Variants in MED13 observed in about 807,000 individuals in gnomAD.
MED13 encodes the protein mediator of RNA polymerase II transcription subunit 13.
Under a neutral mutation model 225.2 loss-of-function variants are expected in MED13, and 23 were observed. The observed-to-expected ratio is 0.10, with a 90% confidence interval of 0.07 to 0.14. The LOEUF is 0.14. Among genes scored for constraint, MED13 ranks in the 10% least tolerant of loss-of-function variants. MED13 has a pLI of 1.00. For missense variants in MED13, 2,197 were observed against 2,594.5 expected, an observed-to-expected ratio of 0.85 and a Z score of 3.33; for synonymous variants, 942 against 889.2, an observed-to-expected ratio of 1.06 and a Z score of -1.06.
intron 8 of MED13, 127 bp from the exon 9 acceptor site, chr17:62,011,360 A>G: frequency 1.2e-6 from 1 of 830,518 alleles, no homozygotes; most frequent in Non-Finnish European, 1.7e-6. Context: ...AAGTAAAATA[A>G]TTTGAATTTG....
chr17:61,986,872 A>T (rs2080252270), intron 12 of MED13, 135 bp downstream of exon 12: 1 of 460,930 alleles, frequency 2.2e-6, no homozygotes. Context: ...GAAATCAATG[A>T]ATGAGGTTTT....
intron 9 of MED13, among the ~76,000 whole-genome samples, chr17:62,000,516 A>G (rs1229895787): frequency 6.6e-6 from 1 of 152,170 alleles, no homozygotes; most frequent in Admixed American, 6.5e-5. Context: ...CTAAGTATCA[A>G]TCTCTCTCCT....
chr17:61,948,290 T>A (rs2079867314), intron 28 of MED13, among the ~76,000 whole-genome samples: 1 of 152,326 alleles, frequency 6.6e-6, no homozygotes, highest in African/African-American at 2.4e-5. Context: ...CCTAATCTTG[T>A]TACAATGTAT....
chr17:62,047,079 G>T (rs1253911771), intron 3 of MED13, among the ~76,000 whole-genome samples: 1 of 150,522 alleles, frequency 6.6e-6, no homozygotes, highest in Non-Finnish European at 1.5e-5. Flanking sequence ...CATAAAAAAA[G>T]AATGAGTTCG....
intron 8 of MED13, among the ~76,000 whole-genome samples, chr17:62,028,752 G>A (rs1279897499): frequency 6.6e-6 from 1 of 151,998 alleles, no homozygotes; most frequent in Non-Finnish European, 1.5e-5. Flanking sequence ...GGCTGAGGCA[G>A]GAGAATGGCG....
At position 61,945,012 on chromosome 17, in the gene MED13, T is replaced by C. The variant is rs948964623; in HGVS notation, c.*1456A>G. The stretch of plus-strand genomic sequence containing the variant: ...AATTCAAGTCCCTTCTTTAGGGAGG[T>C]GAGAACCTCCTTGGCATATGCCCTA... On this transcript the variant is annotated 3_prime_UTR_variant, in exon 30 of 30. Transcript: ENST00000397786. 1.3e-5 allele frequency: 2 copies of C among 152,572 alleles called. No individual in the cohort carries two copies. Among genetic ancestry groups the C allele is most frequent in the African/African-American group, 2.4e-5 (1 of 41,436 alleles). The allele number at this position is 152,572 out of a possible 1,614,324, so 9.5% of individuals were successfully genotyped here. A position where few individuals can be genotyped will look rare whatever the true frequency, so the allele number is the denominator to read the frequency against.
At chr17:62,056,848 A>G (rs760172292) in intron 2 of MED13, among the ~76,000 whole-genome samples, 8 of 152,234 alleles carry the variant, frequency 5.3e-5, no homozygotes, top group Non-Finnish European at 1.0e-4. Context: ...CTTTTCTGTT[A>G]CTATTAGCAT....
At chr17:61,994,514 A>G (rs2080330966) in intron 10 of MED13, among the ~76,000 whole-genome samples, 1 of 152,190 alleles carries the variant, frequency 6.6e-6, no homozygotes, top group African/African-American at 2.4e-5. Flanking sequence ...GTATCTTTGA[A>G]AACTGGTAAT....
chr17:61,952,330 G>A lies in MED13; in HGVS notation c.6117+635C>T, dbSNP rs115542255. On this transcript the variant is annotated intron_variant, in intron 27 of 29. Coordinates refer to ENST00000397786, the MANE Select transcript of MED13 (RefSeq NM_005121.3). ...GGAGTAGATGGTCAGTGTTTTATCT[G>A]GTCTTATGAGAAAATTAATATTTTT... 4.4e-3 allele frequency among the ~76,000 whole-genome samples: 663 copies of A among 152,208 alleles called. 2 individuals carry two copies. Among genetic ancestry groups the A allele is most frequent in the African/African-American group, 0.014 (600 of 41,526 alleles).
intron 3 of MED13, among the ~76,000 whole-genome samples, chr17:62,050,986 CAG>C (rs1216957047): frequency 6.6e-6 from 1 of 152,188 alleles, no homozygotes; most frequent in Non-Finnish European, 1.5e-5. Context: ...GCCTGGGCAA[CAG>C]AGTGAGACTT....
chr17:62,056,617 T>C (rs923975529), intron 2 of MED13, among the ~76,000 whole-genome samples: 3 of 151,992 alleles, frequency 2.0e-5, no homozygotes, highest in Non-Finnish European at 4.4e-5. Flanking sequence ...TTTTAGTTAG[T>C]AGGGCATAGT....
At chr17:62,057,419 A>G (rs961073977) in intron 2 of MED13, among the ~76,000 whole-genome samples, 7 of 152,222 alleles carry the variant, frequency 4.6e-5, no homozygotes, top group Non-Finnish European at 1.0e-4. Flanking sequence ...AAAAAACAGT[A>G]TGCAGAAGAA....
intron 2 of MED13, among the ~76,000 whole-genome samples, chr17:62,062,509 CTAAAT>C (rs1429414374): frequency 6.6e-6 from 1 of 151,838 alleles, no homozygotes; most frequent in Admixed American, 6.6e-5. Context: ...CCAAAAATAA[CTAAAT>C]TAACATATGC....
At chr17:62,040,067 CA>C (rs1363163918) in intron 3 of MED13, among the ~76,000 whole-genome samples, 1 of 152,070 alleles carries the variant, frequency 6.6e-6, no homozygotes, top group South Asian at 2.1e-4. Flanking sequence ...CCACCACACC[CA>C]AATCTCCGAA....
At chr17:62,008,893 T>C (rs2080480111) in intron 9 of MED13, among the ~76,000 whole-genome samples, 2 of 152,114 alleles carry the variant, frequency 1.3e-5, no homozygotes, top group Non-Finnish European at 2.9e-5. Flanking sequence ...AGTTACATTA[T>C]CTGGAGCAAT....
chr17:61,960,355 G>A (rs796457487), intron 23 of MED13, among the ~76,000 whole-genome samples: 69 of 151,430 alleles, frequency 4.6e-4, no homozygotes, highest in African/African-American at 1.6e-3. Context: ...TGCAACCTCC[G>A]CCTCCCAGAG....
At position 61,964,993 on chromosome 17, in the gene MED13, T is replaced by C. The variant is rs2080042671; in HGVS notation, c.4844+13A>G. 6.3e-7 allele frequency: 1 copy of C among 1,595,848 alleles called. No homozygotes were observed. Among genetic ancestry groups the C allele is most frequent in the African/African-American group, 1.4e-5 (1 of 73,934 alleles). ...TTTTATATTTCTGCAAAAATCAGTA[T>C]TTTTAAAGGTACCTTTCAGACACAT... On this transcript the variant is annotated intron_variant, in intron 20 of 29. Transcript: ENST00000397786.
intron 5 of MED13, among the ~76,000 whole-genome samples, chr17:62,031,867 G>C (rs1415590871): frequency 2.0e-5 from 3 of 150,436 alleles, no homozygotes; most frequent in Admixed American, 2.0e-4. Flanking sequence ...GGTTATCTTT[G>C]CTGAGAGAGA....
chr17:61,982,652 T>C lies in MED13; in HGVS notation c.3351A>G (p.Glu1117=). ...VGVYIPDPTQ[E]AQYRCTCGFS... is the part of the protein sequence containing the mutation. ...AGCCACAGGTACACCTATATTGTGC[T>C]TCCTGCGTTGGATCTGGAATGTAAA... Residue 1117 remains glutamate, a synonymous_variant, in exon 16 of 30, where the codon GAA becomes GAG. Coordinates refer to ENST00000397786, the MANE Select transcript of MED13 (RefSeq NM_005121.3). 1 of 1,614,214 alleles carries C rather than the reference T, an allele frequency of 6.2e-7. No individual in the cohort carries two copies. Among genetic ancestry groups the C allele is most frequent in the Non-Finnish European group, 8.5e-7 (1 of 1,180,046 alleles).
Sources: allele counts gnomAD v4.1 joint callset (sites outside exome capture counted in the v4.1 genomes callset), GRCh38; gene constraint gnomAD v4.1.1; transcripts MANE v1.5; gene names NCBI Gene and HGNC (gene_info 2026-07-23, HGNC 2026-07-21).